TTC17: variants seen among roughly 807,000 people sequenced by gnomAD.
The protein encoded by TTC17 is tetratricopeptide repeat protein 17.
TTC17 carries 58 observed loss-of-function variants against 143.8 expected under a neutral mutation model. The ratio of observed to expected loss-of-function variants is 0.40; its 90% CI spans 0.33 to 0.50. The LOEUF is 0.50. Ranked by LOEUF, TTC17 falls within the 20% of genes least tolerant of loss-of-function variation. TTC17 has a pLI of 0.49. For synonymous variants in TTC17, 501 were observed against 497.8 expected, an observed-to-expected ratio of 1.01 and a Z score of -0.09; for missense variants, 1,273 against 1,392.5, an observed-to-expected ratio of 0.91 and a Z score of 1.37.
At chr11:43,454,026 TCA>T (rs1356983935) in intron 21 of TTC17, among the ~76,000 whole-genome samples, 1 of 152,178 alleles carries the variant, frequency 6.6e-6, no homozygotes, top group African/African-American at 2.4e-5. Context: ...CCCATTGCTT[TCA>T]CATTGTCATA....
At chr11:43,401,659 A>G (rs985912744) in intron 10 of TTC17, 101 bp downstream of exon 10, 14 of 792,464 alleles carry the variant, frequency 1.8e-5, no homozygotes, top group Non-Finnish European at 3.9e-6. Flanking sequence ...TTTGATCCCT[A>G]AAATTTGTGA....
intron 1 of TTC17, among the ~76,000 whole-genome samples, chr11:43,378,193 G>A (rs987539258): frequency 2.4e-4 from 36 of 152,114 alleles, no homozygotes; most frequent in Non-Finnish European, 4.0e-4. Context: ...ATAAGCCACC[G>A]CGCCCAGCCT....
At chr11:43,466,596 G>T in intron 21 of TTC17, 1 of 291,162 alleles carries the variant, frequency 3.4e-6, no homozygotes, top group South Asian at 4.2e-5. Flanking sequence ...ACCCCATAAT[G>T]GCATTGGTGG....
chr11:43,453,984 C>T (rs1286679347), intron 21 of TTC17, among the ~76,000 whole-genome samples: 6 of 152,104 alleles, frequency 3.9e-5, no homozygotes, highest in South Asian at 2.1e-4. Flanking sequence ...AGCTACAGCT[C>T]GCAAGAGTGT....
chr11:43,477,792 A>G (rs191717395), intron 21 of TTC17, among the ~76,000 whole-genome samples: 3 of 152,304 alleles, frequency 2.0e-5, no homozygotes, highest in Admixed American at 2.0e-4. Flanking sequence ...AGTAAAAAGC[A>G]TGTGTCCTTC....
intron 10 of TTC17, among the ~76,000 whole-genome samples, chr11:43,402,880 A>C (rs536771609): frequency 1.3e-5 from 2 of 152,296 alleles, no homozygotes; most frequent in African/African-American, 4.8e-5. Context: ...AGAGATTAGG[A>C]GAGCATCTAT....
chr11:43,426,472 T>G (rs1458761224), intron 16 of TTC17, among the ~76,000 whole-genome samples: 1 of 152,266 alleles, frequency 6.6e-6, no homozygotes, highest in African/African-American at 2.4e-5. Context: ...AAAGTGCCTA[T>G]CTTAATTCCA....
At chr11:43,473,306 A>C (rs1018895087) in intron 21 of TTC17, among the ~76,000 whole-genome samples, 4 of 152,240 alleles carry the variant, frequency 2.6e-5, no homozygotes, top group African/African-American at 9.6e-5. Flanking sequence ...ATACAGTGTA[A>C]AAGATATGGT....
chr11:43,461,915 A>G (rs1164031165), intron 21 of TTC17, among the ~76,000 whole-genome samples: 1 of 152,184 alleles, frequency 6.6e-6, no homozygotes, highest in Non-Finnish European at 1.5e-5. Context: ...AATGTAACTT[A>G]ATAGAAGGAA....
intron 1 of TTC17, among the ~76,000 whole-genome samples, chr11:43,373,047 G>A (rs1249040582): frequency 2.6e-5 from 4 of 152,100 alleles, no homozygotes; most frequent in African/African-American, 9.7e-5. Context: ...GTATGTAGAA[G>A]TTATCCTGAC....
intron 21 of TTC17, among the ~76,000 whole-genome samples, chr11:43,465,639 A>G (rs1039694686): frequency 1.3e-5 from 2 of 152,236 alleles, no homozygotes; most frequent in Non-Finnish European, 2.9e-5. Context: ...ACCCTCATGT[A>G]TATAATCAAA....
chr11:43,369,882 C>T (rs557410553), intron 1 of TTC17, among the ~76,000 whole-genome samples: 2 of 152,254 alleles, frequency 1.3e-5, no homozygotes, highest in South Asian at 4.1e-4. Flanking sequence ...TCCCAAAGTG[C>T]TGGGATTATA....
chr11:43,412,113 T>C (rs1389977097), intron 15 of TTC17, among the ~76,000 whole-genome samples: 4 of 152,200 alleles, frequency 2.6e-5, no homozygotes, highest in Non-Finnish European at 5.9e-5. Flanking sequence ...ACTGAATACT[T>C]TGGGCTGCTT....
At chr11:43,405,411 A>G (rs1858073297) in intron 11 of TTC17, 103 bp from the exon 12 acceptor site, 1 of 829,080 alleles carries the variant, frequency 1.2e-6, no homozygotes. Context: ...TTAAGATATT[A>G]TAGTTTTGTT....
At chr11:43,449,425 A>G (rs1456586162) in intron 19 of TTC17, 1 of 152,272 alleles carries the variant, frequency 6.6e-6, no homozygotes, top group Non-Finnish European at 1.5e-5. Flanking sequence ...CCACCAGTGC[A>G]GAGGCAACAT....
In TTC17 at chr11:43,403,979, T is replaced by G; in HGVS notation, c.1333-19T>G. The G allele has an allele frequency of 1.9e-6, 3 of 1,555,502 alleles. No homozygotes were observed. Among genetic ancestry groups the G allele is most frequent in the Non-Finnish European group, 2.6e-6 (3 of 1,152,390 alleles). ...TTTTCCACTTTCAATTTGATTGAAC[T>G]TTTTGTTTCATTTTCTAGTTTGGTG... On this transcript the variant is annotated intron_variant, in intron 10 of 23. Coordinates refer to ENST00000039989, the MANE Select transcript of TTC17 (RefSeq NM_018259.6).
chr11:43,459,461 A>T (rs1223945119), intron 21 of TTC17, among the ~76,000 whole-genome samples: 1 of 152,212 alleles, frequency 6.6e-6, no homozygotes, highest in Non-Finnish European at 1.5e-5. Context: ...TGGCACAGTT[A>T]TCCACACTGG....
chr11:43,436,190 A>G, intron 16 of TTC17: 1 of 1,437,544 alleles, frequency 7.0e-7, no homozygotes, highest in Non-Finnish European at 9.1e-7. Context: ...AACCCTGGAC[A>G]ACAGCCATGA....
chr11:43,377,212 G>C (rs1325912085), intron 1 of TTC17, among the ~76,000 whole-genome samples: 2 of 152,048 alleles, frequency 1.3e-5, no homozygotes, highest in East Asian at 3.9e-4. Flanking sequence ...AGAATCGCTT[G>C]AACCAGGGAG....
Sources: gnomAD v4.1 joint callset for allele counts (sites outside exome capture counted in the v4.1 genomes callset) on GRCh38, gnomAD v4.1.1 for gene constraint, MANE v1.5 for transcripts, NCBI Gene and HGNC (gene_info 2026-07-23, HGNC 2026-07-21) for gene names.